The following PKHD1 variants were observed in gnomAD, a reference collection of about 807,000 sequenced individuals.
The protein encoded by PKHD1 is PKHD1 ciliary IPT domain containing fibrocystin/polyductin.
Under a neutral mutation model 412.0 loss-of-function variants are expected in PKHD1, and 291 were observed. That is an observed-to-expected ratio of 0.71 (90% confidence interval 0.64 to 0.78). The LOEUF is 0.78. PKHD1 is among the 30% of genes least tolerant of loss of function. The pLI, the probability that PKHD1 is intolerant of heterozygous loss-of-function variation, is 0.00. For synonymous variants in PKHD1, 1,777 were observed against 1,821.5 expected (o/e 0.98, Z 0.62); for missense variants, 4,825 against 4,950.7 (o/e 0.97, Z 0.76).
At chr6:52,018,866 G>A (rs1192358254) in intron 33 of PKHD1, among the ~76,000 whole-genome samples, 1 of 152,118 alleles carries the variant, frequency 6.6e-6, no homozygotes, top group Non-Finnish European at 1.5e-5. Flanking sequence ...TCTCTTCTGT[G>A]AAATTCCTGT....
chr6:51,986,367 A>C (rs1796220209), intron 35 of PKHD1, among the ~76,000 whole-genome samples: 1 of 152,220 alleles, frequency 6.6e-6, no homozygotes, highest in Admixed American at 6.5e-5. Flanking sequence ...TATATCTATT[A>C]AAATTTTGTT....
At chr6:51,697,646 G>A (rs1013506329) in intron 60 of PKHD1, among the ~76,000 whole-genome samples, 23 of 152,278 alleles carry the variant, frequency 1.5e-4, no homozygotes, top group Admixed American at 8.5e-4. Flanking sequence ...AAATGTCCCC[G>A]AAGGGCAAAA....
chr6:52,060,904 A>C (rs1808573710), intron 14 of PKHD1, among the ~76,000 whole-genome samples: 1 of 152,190 alleles, frequency 6.6e-6, no homozygotes, highest in Non-Finnish European at 1.5e-5. Context: ...TAAAATTTTT[A>C]GATTTTAAAG....
intron 47 of PKHD1, among the ~76,000 whole-genome samples, chr6:51,869,248 G>T (rs1040784775): frequency 2.6e-5 from 4 of 152,000 alleles, no homozygotes; most frequent in Admixed American, 1.3e-4. Context: ...TCTATTTTTT[G>T]TGTGTATACT....
chr6:51,826,765 T>C (rs1410188816), intron 52 of PKHD1, among the ~76,000 whole-genome samples: 1 of 152,170 alleles, frequency 6.6e-6, no homozygotes, highest in Non-Finnish European at 1.5e-5. Flanking sequence ...TTTACAGTTC[T>C]TTCAAAATCC....
At chr6:52,064,431 A>T (rs1809179399) in intron 13 of PKHD1, among the ~76,000 whole-genome samples, 1 of 152,242 alleles carries the variant, frequency 6.6e-6, no homozygotes, top group African/African-American at 2.4e-5. Flanking sequence ...CACTTCAGGC[A>T]TAACCTGGTG....
At chr6:51,872,684 C>T (rs1776161463) in intron 46 of PKHD1, among the ~76,000 whole-genome samples, 3 of 152,086 alleles carry the variant, frequency 2.0e-5, no homozygotes, top group Non-Finnish European at 2.9e-5. Flanking sequence ...GCTGGGATTA[C>T]AGGTGTGAGC....
At chr6:51,734,674 G>A (rs1783624135) in intron 60 of PKHD1, among the ~76,000 whole-genome samples, 1 of 151,596 alleles carries the variant, frequency 6.6e-6, no homozygotes, top group African/African-American at 2.4e-5. Context: ...AAAATCCGCT[G>A]ATCAGATCAA....
At chr6:51,628,102 G>C (rs1002756283) in intron 65 of PKHD1, among the ~76,000 whole-genome samples, 7 of 152,086 alleles carry the variant, frequency 4.6e-5, no homozygotes, top group African/African-American at 1.7e-4. Context: ...TTAGGTTCAG[G>C]GGGTACATGT....
chr6:52,018,941 T>C (rs1800966619), intron 33 of PKHD1, among the ~76,000 whole-genome samples: 1 of 152,236 alleles, frequency 6.6e-6, no homozygotes, highest in Admixed American at 6.5e-5. Flanking sequence ...GTTTATGAAT[T>C]TCTTGATTTT....
intron 60 of PKHD1, among the ~76,000 whole-genome samples, chr6:51,714,792 T>A (rs1359828217): frequency 4.6e-5 from 7 of 152,200 alleles, no homozygotes; most frequent in Admixed American, 3.3e-4. Flanking sequence ...TCTATTTTTT[T>A]GTTCCCAGAT....
At chr6:51,900,895 G>C (rs1371266831) in intron 43 of PKHD1, among the ~76,000 whole-genome samples, 1 of 151,928 alleles carries the variant, frequency 6.6e-6, no homozygotes, top group Non-Finnish European at 1.5e-5. Context: ...GACATTTATG[G>C]AGCCAAAAAA....
At chr6:51,739,952 AG>A (rs1784363268) in intron 60 of PKHD1, 2 of 518,464 alleles carry the variant, frequency 3.9e-6, no homozygotes, top group East Asian at 1.1e-4. Flanking sequence ...GTTTGGAGCC[AG>A]AATGGAAAGC....
Position 51,748,682 on chromosome 6 carries a change from G to C in PKHD1, c.8951-17C>G. On this transcript the variant is annotated splice_polypyrimidine_tract_variant and intron_variant, in intron 57 of 66. Coordinates refer to ENST00000371117, the MANE Select transcript of PKHD1 (RefSeq NM_138694.4). ...GAAGGACACCTATAAACAAATGCAT[G>C]TCATCAGGTACTTTCCTCTTCCCCA... is the stretch of plus-strand genomic sequence containing the variant. The C allele has an allele frequency of 6.2e-7, 1 of 1,611,716 alleles. No individual in the cohort carries two copies. The highest frequency in any genetic ancestry group is 8.5e-7 in the Non-Finnish European group (1 of 1,178,154).
intron 60 of PKHD1, among the ~76,000 whole-genome samples, chr6:51,713,395 T>G (rs1193029649): frequency 6.6e-6 from 1 of 152,080 alleles, no homozygotes; most frequent in Non-Finnish European, 1.5e-5. Flanking sequence ...GGAAAAAAAG[T>G]TTGGTTGGCT....
chr6:51,846,560 G>T (rs1165653260), intron 50 of PKHD1, among the ~76,000 whole-genome samples: 1 of 152,166 alleles, frequency 6.6e-6, no homozygotes, highest in African/African-American at 2.4e-5. Flanking sequence ...TGCTCAGAGA[G>T]ACCAATGCTG....
intron 35 of PKHD1, among the ~76,000 whole-genome samples, chr6:51,964,501 A>T (rs1467751146): frequency 6.6e-6 from 1 of 152,126 alleles, no homozygotes; most frequent in East Asian, 1.9e-4. Context: ...TCTCTACCTA[A>T]TACAATGTAT....
rs554547260 is a variant in PKHD1, at chr6:51,627,080, T to A, written c.11702A>T (p.Asn3901Ile). Reference protein sequence around the residue: ...KPEEIPESQTNNQNIHIHISS... With the variant: ...KPEEIPESQTINQNIHIHISS... ...GATGTGGATATGAATATTTTGATTATTAGTCTGGGATTCAGGAATCTCTTC... is the reference window on the plus strand; with the variant it reads ...GATGTGGATATGAATATTTTGATTAATAGTCTGGGATTCAGGAATCTCTTC... The change falls in exon 66 of 67, where the codon AAT becomes ATT. Residue 3901 changes from asparagine (N) to isoleucine (I), a missense_variant. Physicochemically the swap from Asn to Ile is moderately radical, Grantham distance 149. Transcript: ENST00000371117. The A allele has an allele frequency of 1.3e-5, 21 of 1,610,524 alleles. No individual in the cohort carries two copies. The highest frequency in any genetic ancestry group is 1.6e-5 in the Non-Finnish European group (19 of 1,176,844).
intron 55 of PKHD1, among the ~76,000 whole-genome samples, chr6:51,768,636 T>C (rs1789530723): frequency 1.3e-5 from 2 of 151,948 alleles, no homozygotes; most frequent in Non-Finnish European, 2.9e-5. Context: ...CATAAAAAGA[T>C]AGTTTGGATT....
Sources: gnomAD v4.1 joint callset for allele counts (sites outside exome capture counted in the v4.1 genomes callset) on GRCh38, gnomAD v4.1.1 for gene constraint, MANE v1.5 for transcripts, NCBI Gene and HGNC (gene_info 2026-07-23, HGNC 2026-07-21) for gene names.